The following EFCAB11 variants were observed in gnomAD, a reference collection of about 807,000 sequenced individuals.
The protein encoded by EFCAB11 is EF-hand calcium binding domain 11, also known as EF-hand calcium-binding domain-containing protein 11.
Under a neutral mutation model 23.0 loss-of-function variants are expected in EFCAB11, and 14 were observed. The ratio of observed to expected loss-of-function variants is 0.61; its 90% CI spans 0.40 to 0.95. The LOEUF is 0.95. Ranked by LOEUF, EFCAB11 falls within the 40% of genes least tolerant of loss-of-function variation. The pLI is 0.00. For synonymous variants in EFCAB11, 65 were observed against 66.6 expected (o/e 0.98, Z 0.11); for missense variants, 198 against 195.8 (o/e 1.01, Z -0.07).
intron 5 of EFCAB11, among the ~76,000 whole-genome samples, chr14:89,889,263 A>G (rs1224384867): frequency 6.6e-6 from 1 of 152,200 alleles, no homozygotes; most frequent in Non-Finnish European, 1.5e-5. Context: ...GACAAAATGA[A>G]AGTAATTTTC....
At chr14:89,861,053 T>C (rs1458590016) in intron 5 of EFCAB11, among the ~76,000 whole-genome samples, 7 of 152,198 alleles carry the variant, frequency 4.6e-5, no homozygotes, top group Admixed American at 3.3e-4. Flanking sequence ...TTTCTTGACT[T>C]TTCTGTTCTT....
chr14:89,817,679 C>T (rs1444920287), intron 5 of EFCAB11, among the ~76,000 whole-genome samples: 1 of 152,074 alleles, frequency 6.6e-6, no homozygotes, highest in African/African-American at 2.4e-5. Flanking sequence ...ATTTAAAACA[C>T]ACGAGAAAAT....
intron 5 of EFCAB11, among the ~76,000 whole-genome samples, chr14:89,864,582 C>G (rs1888028605): frequency 6.6e-6 from 1 of 152,042 alleles, no homozygotes; most frequent in Non-Finnish European, 1.5e-5. Flanking sequence ...TGCACGTCAA[C>G]ATGCCCAGAT....
intron 5 of EFCAB11, among the ~76,000 whole-genome samples, chr14:89,852,301 C>T (rs532407636): frequency 5.3e-5 from 8 of 152,338 alleles, no homozygotes; most frequent in African/African-American, 1.4e-4. Context: ...GGGAAAACCA[C>T]ACACAAAATG....
chr14:89,875,113 C>T (rs1888394953), intron 5 of EFCAB11, among the ~76,000 whole-genome samples: 1 of 152,152 alleles, frequency 6.6e-6, no homozygotes, highest in African/African-American at 2.4e-5. Context: ...CCACTTGTCC[C>T]TCTAAGAAGT....
In EFCAB11 at chr14:89,892,359, G is replaced by C. The variant is rs551392907; in HGVS notation, c.410+39182C>G. ...CAGGGGGACATCAAGCTAGAAGAGG[G>C]CTTGGGGGGTGTCCGGCTCATCCAC... On this transcript the variant is annotated intron_variant, in intron 5 of 5. Transcript: ENST00000316738. 9.2e-5 allele frequency: 149 copies of C among 1,612,956 alleles called. 1 individual carries two copies. The African/African-American group carries it at 1.6e-3, about 17-fold the overall frequency.
chr14:89,919,997 A>C (rs1889972443), intron 5 of EFCAB11, among the ~76,000 whole-genome samples: 1 of 152,214 alleles, frequency 6.6e-6, no homozygotes, highest in Non-Finnish European at 1.5e-5. Flanking sequence ...TATGAAGAGA[A>C]AGTCATGAAT....
chr14:89,898,109 T>C (rs1379352812), intron 5 of EFCAB11, among the ~76,000 whole-genome samples: 1 of 152,160 alleles, frequency 6.6e-6, no homozygotes, highest in Non-Finnish European at 1.5e-5. Flanking sequence ...CTATAATCCA[T>C]TACAATGGAA....
intron 5 of EFCAB11, chr14:89,848,528 A>T (rs976900700): frequency 6.6e-6 from 1 of 152,252 alleles, no homozygotes; most frequent in Non-Finnish European, 1.5e-5. Context: ...GGATCCAGTA[A>T]GCCCCCAAAT....
chr14:89,929,267 C>T (rs1281540244), intron 5 of EFCAB11, among the ~76,000 whole-genome samples: 3 of 152,018 alleles, frequency 2.0e-5, no homozygotes, highest in African/African-American at 7.3e-5. Context: ...CCAGGTTGGT[C>T]TTGAACTCTT....
intron 5 of EFCAB11, among the ~76,000 whole-genome samples, chr14:89,841,391 T>C (rs895711203): frequency 6.6e-6 from 1 of 151,348 alleles, no homozygotes; most frequent in East Asian, 2.0e-4. Context: ...TCCCCATCCT[T>C]TCTCTCTCCC....
intron 5 of EFCAB11, among the ~76,000 whole-genome samples, chr14:89,827,128 T>C (rs1223459559): frequency 6.6e-6 from 1 of 152,216 alleles, no homozygotes; most frequent in Non-Finnish European, 1.5e-5. Context: ...AGAGGAATTC[T>C]GCAATTAAAA....
intron 3 of EFCAB11, among the ~76,000 whole-genome samples, chr14:89,934,389 G>C (rs1007654480): frequency 6.6e-6 from 1 of 152,312 alleles, no homozygotes; most frequent in Middle Eastern, 3.4e-3. Context: ...GAAAGAAAGA[G>C]ATGTCAAGAA....
intron 5 of EFCAB11, among the ~76,000 whole-genome samples, chr14:89,929,627 C>T (rs1890319701): frequency 6.6e-6 from 1 of 152,156 alleles, no homozygotes; most frequent in African/African-American, 2.4e-5. Context: ...TTCAGGTGAT[C>T]CACCTGCCTC....
chr14:89,800,933 CT>C (rs1885755943), intron 5 of EFCAB11, among the ~76,000 whole-genome samples: 1 of 151,594 alleles, frequency 6.6e-6, no homozygotes, highest in Non-Finnish European at 1.5e-5. Context: ...ATCCCAGCTA[CT>C]CGGGAGGCTG....
intron 5 of EFCAB11, among the ~76,000 whole-genome samples, chr14:89,893,895 TATTC>T (rs772215321): frequency 2.6e-5 from 4 of 152,156 alleles, no homozygotes; most frequent in Non-Finnish European, 5.9e-5. Flanking sequence ...ACAGACATGT[TATTC>T]ATCATATTAA....
chr14:89,886,622 A>G (rs1329316232), intron 5 of EFCAB11, among the ~76,000 whole-genome samples: 1 of 151,978 alleles, frequency 6.6e-6, no homozygotes, highest in Non-Finnish European at 1.5e-5. Context: ...TTGATCAAAC[A>G]CTGAGGCAAA....
intron 3 of EFCAB11, among the ~76,000 whole-genome samples, chr14:89,945,415 T>C (rs979935913): frequency 1.3e-5 from 2 of 152,222 alleles, no homozygotes; most frequent in East Asian, 1.9e-4. Flanking sequence ...AAATTTGAAA[T>C]GTGGTCTTTT....
Position 89,818,025 on chromosome 14 carries a change from A to T in EFCAB11, c.411-20701T>A, listed in dbSNP as rs546009353. On this transcript the variant is annotated intron_variant, in intron 5 of 5. Transcript: ENST00000316738. ...AATAAATAAATAAATAAATAAAAAT[A>T]AAAAATTGCAGTTGGGGTAGGGAGT... Among the ~76,000 whole-genome samples the T allele has an allele frequency of 2.0e-3, 305 of 152,060 alleles. 1 individual carries two copies. Among genetic ancestry groups the T allele is most frequent in the African/African-American group, 7.0e-3 (289 of 41,486 alleles).
Sources: allele counts gnomAD v4.1 joint callset (sites outside exome capture counted in the v4.1 genomes callset), GRCh38; gene constraint gnomAD v4.1.1; transcripts MANE v1.5; gene names NCBI Gene and HGNC (gene_info 2026-07-23, HGNC 2026-07-21).